LRBA: variants seen among roughly 807,000 people sequenced by gnomAD.
The protein encoded by LRBA is LPS responsive beige-like anchor protein.
In LRBA, 176 loss-of-function variants were observed where a neutral mutation model predicts 330.0. The observed-to-expected ratio is 0.53, with a 90% CI of 0.47 to 0.60. The LOEUF is 0.60. LRBA is among the 20% of genes least tolerant of loss of function. The pLI is 0.00. For missense variants in LRBA, 3,259 were observed against 3,444.8 expected (o/e 0.95, Z 1.35); for synonymous variants, 1,230 against 1,193.0 (o/e 1.03, Z -0.64).
intron 40 of LRBA, among the ~76,000 whole-genome samples, chr4:150,584,856 C>T (rs994909431): frequency 2.0e-5 from 3 of 151,980 alleles, no homozygotes; most frequent in Non-Finnish European, 4.4e-5. Context: ...GTATAAGTTC[C>T]GACCCAAATC....
chr4:150,659,111 G>A (rs959387032), intron 37 of LRBA, among the ~76,000 whole-genome samples: 6 of 137,006 alleles, frequency 4.4e-5, no homozygotes, highest in African/African-American at 1.0e-4. Context: ...CCAAAGTGCC[G>A]AGATTGCAGC....
chr4:150,716,020 G>A (rs1728155106), intron 36 of LRBA, among the ~76,000 whole-genome samples: 1 of 152,138 alleles, frequency 6.6e-6, no homozygotes, highest in Non-Finnish European at 1.5e-5. Context: ...TTTAGGAAAT[G>A]TTCTGATGAT....
chr4:150,641,702 G>T (rs1778696200), intron 37 of LRBA, among the ~76,000 whole-genome samples: 1 of 151,908 alleles, frequency 6.6e-6, no homozygotes, highest in Admixed American at 6.6e-5. Context: ...TTCTTTATAT[G>T]CACAAGGGCA....
At chr4:150,801,064 C>T (rs1226558372) in intron 33 of LRBA, among the ~76,000 whole-genome samples, 1 of 152,114 alleles carries the variant, frequency 6.6e-6, no homozygotes, top group Non-Finnish European at 1.5e-5. Context: ...TGACTATTTA[C>T]TATCTGGAAT....
At chr4:150,591,171 T>C (rs1772781428) in intron 38 of LRBA, among the ~76,000 whole-genome samples, 1 of 152,226 alleles carries the variant, frequency 6.6e-6, no homozygotes, top group South Asian at 2.1e-4. Flanking sequence ...TATTGAAAAT[T>C]CATTAATAGG....
At chr4:150,383,400 C>T (rs1007723251) in intron 47 of LRBA, among the ~76,000 whole-genome samples, 1 of 152,092 alleles carries the variant, frequency 6.6e-6, no homozygotes, top group Non-Finnish European at 1.5e-5. Flanking sequence ...GTGTGTAGAA[C>T]CACCATGTCT....
chr4:150,442,381 G>A (rs1271886173), intron 44 of LRBA, among the ~76,000 whole-genome samples: 1 of 152,142 alleles, frequency 6.6e-6, no homozygotes, highest in African/African-American at 2.4e-5. Flanking sequence ...ACATTCTGTG[G>A]GTATACAGAG....
intron 47 of LRBA, among the ~76,000 whole-genome samples, chr4:150,407,308 CCAAG>C (rs887960343): frequency 6.6e-6 from 1 of 152,156 alleles, no homozygotes; most frequent in African/African-American, 2.4e-5. Context: ...GTTTAAGCCA[CCAAG>C]TGTTTGCAGT....
intron 11 of LRBA, among the ~76,000 whole-genome samples, chr4:150,907,690 CAAT>C (rs1168057675): frequency 2.6e-5 from 4 of 151,938 alleles, no homozygotes; most frequent in African/African-American, 7.2e-5. Flanking sequence ...ACAAATGAAA[CAAT>C]AATTTCACTA....
chr4:150,582,866 C>A, intron 40 of LRBA: 1 of 679,974 alleles, frequency 1.5e-6, no homozygotes, highest in Non-Finnish European at 2.3e-6. Flanking sequence ...AAGCCGGCTA[C>A]GGTATCAGCC....
intron 37 of LRBA, among the ~76,000 whole-genome samples, chr4:150,615,106 G>A (rs564184393): frequency 2.6e-5 from 4 of 152,320 alleles, no homozygotes; most frequent in South Asian, 4.1e-4. Flanking sequence ...ATTTCCGGCA[G>A]GGAAAACAGT....
intron 44 of LRBA, among the ~76,000 whole-genome samples, chr4:150,453,313 T>A (rs982936663): frequency 2.0e-5 from 3 of 152,162 alleles, no homozygotes; most frequent in Non-Finnish European, 2.9e-5. Context: ...GTGATACTGA[T>A]ATAAGGATAT....
intron 34 of LRBA, among the ~76,000 whole-genome samples, chr4:150,790,616 G>A (rs1340955925): frequency 6.6e-6 from 1 of 152,130 alleles, no homozygotes; most frequent in Non-Finnish European, 1.5e-5. Flanking sequence ...CAGTTATTGA[G>A]CTGATTTTAA....
At chr4:150,717,922 T>A (rs555036046) in intron 36 of LRBA, among the ~76,000 whole-genome samples, 94 of 152,046 alleles carry the variant, frequency 6.2e-4, no homozygotes, top group African/African-American at 2.2e-3. Flanking sequence ...AGAAAAATCA[T>A]TAAGTGATAA....
At position 150,654,790 on chromosome 4, in the gene LRBA, G is replaced by A. The variant is rs574741817; in HGVS notation, c.5921+28761C>T. 2.5e-3 allele frequency among the ~76,000 whole-genome samples: 387 copies of A among 152,134 alleles called. 2 individuals carry two copies. The highest frequency in any genetic ancestry group is 4.3e-3 in the Admixed American group (66 of 15,272). Reference sequence around the variant, plus strand: ...TTCCCACCTATGAGTGAGAACATGCGGTGTTTGGTTTTTTGTCCTTGCGAT... The same window carrying A: ...TTCCCACCTATGAGTGAGAACATGCAGTGTTTGGTTTTTTGTCCTTGCGAT... On this transcript the variant is annotated intron_variant, in intron 37 of 56. Coordinates refer to ENST00000651943, the MANE Select transcript of LRBA (RefSeq NM_001364905.1).
intron 37 of LRBA, among the ~76,000 whole-genome samples, chr4:150,663,324 G>A (rs1210574315): frequency 6.6e-6 from 1 of 151,902 alleles, no homozygotes; most frequent in Non-Finnish European, 1.5e-5. Flanking sequence ...GTCTACAGAA[G>A]ACCAGGCTCA....
chr4:150,717,766 C>A (rs1471171010), intron 36 of LRBA, among the ~76,000 whole-genome samples: 2 of 150,398 alleles, frequency 1.3e-5, no homozygotes, highest in South Asian at 4.2e-4. Flanking sequence ...TTCAAAAAAA[C>A]CGAGAGACCA....
At chr4:150,880,520 CAAA>C (rs35835464) in intron 17 of LRBA, among the ~76,000 whole-genome samples, 28 of 112,856 alleles carry the variant, frequency 2.5e-4, no homozygotes, top group Admixed American at 3.3e-4. Context: ...ACCCTGTCTC[CAAA>C]AAAAAAAAAA....
At chr4:150,431,746 C>T (rs546291743) in intron 46 of LRBA, among the ~76,000 whole-genome samples, 4 of 152,042 alleles carry the variant, frequency 2.6e-5, no homozygotes, top group South Asian at 2.1e-4. Flanking sequence ...ATTGGAGAGT[C>T]GCTCTAAGTC....
Sources: gnomAD v4.1 joint callset for allele counts (sites outside exome capture counted in the v4.1 genomes callset) on GRCh38, gnomAD v4.1.1 for gene constraint, MANE v1.5 for transcripts, NCBI Gene and HGNC (gene_info 2026-07-23, HGNC 2026-07-21) for gene names.